The following CHD1 variants were observed in gnomAD, a reference collection of about 807,000 sequenced individuals.
CHD1 encodes chromodomain helicase DNA binding protein 1.
CHD1 carries 36 observed loss-of-function variants against 224.2 expected under a neutral mutation model. That is an observed-to-expected ratio of 0.16 (90% CI 0.12 to 0.21). The LOEUF (loss-of-function observed/expected upper bound fraction) is 0.21. Ranked by LOEUF, CHD1 falls within the 10% of genes least tolerant of loss-of-function variation. The probability of loss-of-function intolerance (pLI) is 1.00; values close to 1 mark genes in which losing one functional copy is unlikely to be tolerated. For synonymous variants in CHD1, 668 were observed against 658.3 expected, an observed-to-expected ratio of 1.01 and a Z score of -0.23; for missense variants, 1,378 against 1,994.8, an observed-to-expected ratio of 0.69 and a Z score of 5.89.
rs754450354 is a variant in CHD1 at position 98,885,543 on chromosome 5, AAATT to A, written c.2568+31_2568+34del. The A allele has an allele frequency of 3.9e-6, 5 of 1,292,688 alleles. No individual in the cohort carries two copies. The South Asian group carries it at 5.1e-5, about 13-fold the overall frequency. 80.1% of individuals were successfully genotyped at this position (1,292,688 alleles called of 1,614,324 possible). A position where few individuals can be genotyped will look rare whatever the true frequency, so the allele number is the denominator to read the frequency against. On this transcript the variant is annotated intron_variant, in intron 18 of 35. Transcript: ENST00000614616. ...AATGTAATATACTGATACTAAATCA[AAATT>A]ATTTATAATTTTAAAAGCACTAATA... is the stretch of plus-strand genomic sequence containing the variant.
chr5:98,914,601 T>C (rs1221072362), intron 2 of CHD1, among the ~76,000 whole-genome samples: 1 of 152,006 alleles, frequency 6.6e-6, no homozygotes, highest in Non-Finnish European at 1.5e-5. Flanking sequence ...ATGGGGGAAA[T>C]GCAATTACAT....
At chr5:98,872,322 T>TC in intron 27 of CHD1, 95 bp downstream of exon 27, 1 of 1,462,022 alleles carries the variant, frequency 6.8e-7, no homozygotes, top group Non-Finnish European at 9.3e-7. Context: ...CTTTTTTTTT[T>TC]CAAAACTAGC....
Position 98,869,779 on chromosome 5 carries a change from T to C in CHD1, c.4082A>G (p.Glu1361Gly). ...IKSDSSPLPS[E>G]KSDEDDDKLS... is the part of the protein sequence containing the mutation. ...TTTATCATCATCTTCATCAGACTTC[T>C]CTGAAGGCAGAGGAGAAGAATCACT... Residue 1361 changes from glutamate (E) to glycine (G), a missense_variant, in exon 30 of 36, where the codon GAG (glutamate) becomes GGG (glycine). By Grantham distance (98) the Glu-to-Gly change is moderately conservative. Around this residue, in one of 16 missense-constraint regions of CHD1, gnomAD observed 105 missense variants for 93.4 expected, o/e 1.12. Coordinates refer to ENST00000614616, the MANE Select transcript of CHD1 (RefSeq NM_001270.4). 6.2e-7 allele frequency: 1 copy of C among 1,613,602 alleles called. No individual in the cohort carries two copies. Among genetic ancestry groups the C allele is most frequent in the Non-Finnish European group, 8.5e-7 (1 of 1,179,680 alleles).
intron 5 of CHD1, among the ~76,000 whole-genome samples, chr5:98,901,749 TA>T (rs34642604): frequency 0.039 from 5,461 of 141,678 alleles, 294 homozygotes; most frequent in African/African-American, 0.12. Flanking sequence ...ATAGAAAAAT[TA>T]AAAAAAAAAA....
chr5:98,911,625 G>C (rs1192628455), intron 2 of CHD1, among the ~76,000 whole-genome samples: 1 of 152,116 alleles, frequency 6.6e-6, no homozygotes, highest in African/African-American at 2.4e-5. Flanking sequence ...AATAGGGACA[G>C]ACAAACAATG....
In CHD1 at chr5:98,902,955, T is replaced by C; in HGVS notation, c.382A>G (p.Ser128Gly). The C allele has an allele frequency of 6.3e-7, 1 of 1,594,654 alleles. No individual in the cohort carries two copies. Among genetic ancestry groups the C allele is most frequent in the Non-Finnish European group, 8.6e-7 (1 of 1,164,810 alleles). The change falls in exon 5 of 36, where the codon AGC becomes GGC. Residue 128 changes from serine to glycine, a missense_variant. By Grantham distance (56) the Ser-to-Gly change is moderately conservative. Transcript: ENST00000614616. ...GATGAGTCATCGGAATCTTCACTGC[T>C]AGAGGAATCCTGTAGAAAAGAAATA... is the stretch of plus-strand genomic sequence containing the variant. ...SNSGSEEDSSSSEDSDDSSSE... is the reference protein window; with the variant it reads ...SNSGSEEDSSGSEDSDDSSSE...
intron 2 of CHD1, among the ~76,000 whole-genome samples, chr5:98,918,203 G>GC (rs1414757225): frequency 6.6e-6 from 1 of 151,632 alleles, no homozygotes. Flanking sequence ...GACCACAGGT[G>GC]CCCGCCAACA....
chr5:98,902,871 G>T (rs367821605), intron 5 of CHD1, 29 bp downstream of exon 5: 40 of 1,400,540 alleles, frequency 2.9e-5, no homozygotes, highest in African/African-American at 4.3e-5. Flanking sequence ...TTTCTAAAAT[G>T]AAGTAGTCAG....
chr5:98,900,804 A>G lies in CHD1; in HGVS notation c.859+7T>C. 6.2e-7 allele frequency: 1 copy of G among 1,602,572 alleles called. No homozygotes were observed. Among genetic ancestry groups the G allele is most frequent in the Non-Finnish European group, 8.5e-7 (1 of 1,176,044 alleles). Reference sequence around the variant, plus strand: ...AACCAAACAATAAATGGTTTTTTAAAAACTACCTCCTTTTCTCCCAATCCG... The same window carrying G: ...AACCAAACAATAAATGGTTTTTTAAGAACTACCTCCTTTTCTCCCAATCCG... On this transcript the variant is annotated splice_region_variant and intron_variant, in intron 7 of 35. Transcript: ENST00000614616.
chr5:98,908,680 A>G (rs1275370851), intron 2 of CHD1, among the ~76,000 whole-genome samples: 1 of 152,172 alleles, frequency 6.6e-6, no homozygotes, highest in African/African-American at 2.4e-5. Context: ...TAAAACTGAA[A>G]TATCTGTACA....
chr5:98,862,644 A>C (rs1305463650), intron 32 of CHD1, among the ~76,000 whole-genome samples: 2 of 152,176 alleles, frequency 1.3e-5, no homozygotes, highest in Non-Finnish European at 2.9e-5. Context: ...GATGTTCCTT[A>C]TTTCTCATCT....
chr5:98,884,007 A>C (rs1437779546), intron 18 of CHD1: 1 of 151,214 alleles, frequency 6.6e-6, no homozygotes, highest in Admixed American at 6.7e-5. Flanking sequence ...ACACCCAGCT[A>C]ATTTTTGTAT....
Position 98,873,677 on chromosome 5 carries a change from T to C in CHD1, c.3487A>G (p.Thr1163Ala). ...RDAELVDKSE[T>A]DLRRLGELVH... ...AATTCTCCCAGTCGTCTAAGGTCTG[T>C]TTCTGACTTATCAACTAACTCAGCA... The change falls in exon 26 of 36, where the codon ACA becomes GCA. Residue 1163 changes from threonine to alanine, a missense_variant. Physicochemically the swap from Thr to Ala is moderately conservative, Grantham distance 58 (BLOSUM62 0). Transcript: ENST00000614616. 1 of 1,610,622 alleles carries C rather than the reference T, an allele frequency of 6.2e-7. No homozygotes were observed. The highest frequency in any genetic ancestry group is 8.5e-7 in the Non-Finnish European group (1 of 1,178,664).
chr5:98,880,673 T>C (rs955391039), intron 22 of CHD1, among the ~76,000 whole-genome samples: 2 of 152,236 alleles, frequency 1.3e-5, no homozygotes, highest in Non-Finnish European at 2.9e-5. Flanking sequence ...ATTGCTTACT[T>C]TGACTGATTT....
intron 31 of CHD1, among the ~76,000 whole-genome samples, chr5:98,866,496 G>C (rs527521120): frequency 1.1e-4 from 16 of 152,216 alleles, no homozygotes; most frequent in African/African-American, 3.9e-4. Context: ...GATAAGCTGG[G>C]GATCTAGAAG....
rs1459050384 is a variant in CHD1 at position 98,854,388 on chromosome 5, A to T, written c.*1992T>A. The T allele has an allele frequency of 6.6e-6, 1 of 152,128 alleles. No homozygotes were observed. Among genetic ancestry groups the T allele is most frequent in the Admixed American group, 6.5e-5 (1 of 15,276 alleles). The allele number at this position is 152,128 out of a possible 1,614,324, so 9.4% of individuals were successfully genotyped here. A position where few individuals can be genotyped will look rare whatever the true frequency, so the allele number is the denominator to read the frequency against. On this transcript the variant is annotated 3_prime_UTR_variant, in exon 36 of 36. Coordinates refer to ENST00000614616, the MANE Select transcript of CHD1 (RefSeq NM_001270.4). Reference sequence around the variant, plus strand: ...TATCTTAGCTTTTAGTAATAAATTAAAAAATGCCAGCCACCATCTTATGAC... The same window carrying T: ...TATCTTAGCTTTTAGTAATAAATTATAAAATGCCAGCCACCATCTTATGAC...
chr5:98,875,861 T>C (rs1749708531), intron 24 of CHD1, among the ~76,000 whole-genome samples: 1 of 152,190 alleles, frequency 6.6e-6, no homozygotes, highest in Non-Finnish European at 1.5e-5. Context: ...TGTTATCCCA[T>C]TCCTCTTAAA....
Position 98,855,481 on chromosome 5 carries a change from T to C in CHD1, c.*899A>G, listed in dbSNP as rs1255575864. 1 of 152,064 alleles carries C rather than the reference T, an allele frequency of 6.6e-6. No individual in the cohort carries two copies. The highest frequency in any genetic ancestry group is 2.4e-5 in the African/African-American group (1 of 41,278). 9.4% of individuals were successfully genotyped at this position (152,064 alleles called of 1,614,324 possible). On this transcript the variant is annotated 3_prime_UTR_variant, in exon 36 of 36. Transcript: ENST00000614616. ...GAGCATGCAGTTTAGATTTTACATA[T>C]CTCGCCATTTTTTAAAACTACAAAC...
At chr5:98,868,689 A>T (rs1749091267) in intron 30 of CHD1, 54 bp from the exon 31 acceptor site, 1 of 1,454,138 alleles carries the variant, frequency 6.9e-7, no homozygotes, top group African/African-American at 1.4e-5. Context: ...CAACAAAGGC[A>T]AAATGACTAA....
Sources: allele counts gnomAD v4.1 joint callset (sites outside exome capture counted in the v4.1 genomes callset), GRCh38; gene constraint gnomAD v4.1.1; regional missense constraint gnomAD v4.1.1; transcripts MANE v1.5; gene names NCBI Gene and HGNC (gene_info 2026-07-23, HGNC 2026-07-21).